NCKAP5: variants seen among roughly 807,000 people sequenced by gnomAD.
The protein encoded by NCKAP5 is nck-associated protein 5.
A neutral mutation model predicts 167.0 loss-of-function variants in NCKAP5; 92 were observed. The ratio of observed to expected loss-of-function variants is 0.55; its 90% CI spans 0.47 to 0.66. The LOEUF (loss-of-function observed/expected upper bound fraction) is 0.66, where lower values mean the gene tolerates loss of function less well. Among genes scored for constraint, NCKAP5 ranks in the 30% least tolerant of loss-of-function variants. The probability of loss-of-function intolerance (pLI) is 0.00; values close to 1 mark genes in which losing one functional copy is unlikely to be tolerated. For missense variants in NCKAP5, 2,378 were observed against 2,315.0 expected (o/e 1.03, Z -0.56); for synonymous variants, 891 against 877.4 (o/e 1.02, Z -0.27).
intron 7 of NCKAP5, among the ~76,000 whole-genome samples, chr2:132,981,193 A>G (rs1232668832): frequency 6.6e-6 from 1 of 152,246 alleles, no homozygotes; most frequent in Non-Finnish European, 1.5e-5. Context: ...ATCATGAATG[A>G]GATTCTTGGC....
chr2:133,198,624 G>C (rs532245908), intron 5 of NCKAP5, among the ~76,000 whole-genome samples: 17 of 152,236 alleles, frequency 1.1e-4, no homozygotes, highest in African/African-American at 3.8e-4. Flanking sequence ...AAATATTGCT[G>C]AGAGATATTA....
intron 6 of NCKAP5, among the ~76,000 whole-genome samples, chr2:133,010,196 A>G (rs915883828): frequency 5.3e-5 from 8 of 152,340 alleles, no homozygotes; most frequent in African/African-American, 1.7e-4. Context: ...ATAACTAATG[A>G]TCTTATTCGC....
intron 3 of NCKAP5, among the ~76,000 whole-genome samples, chr2:133,353,162 C>CA (rs1407388150): frequency 2.0e-5 from 3 of 152,152 alleles, no homozygotes; most frequent in African/African-American, 7.2e-5. Flanking sequence ...AGCAAAAACT[C>CA]AGAGCATTAG....
intron 3 of NCKAP5, among the ~76,000 whole-genome samples, chr2:133,444,972 T>G (rs1691104610): frequency 6.6e-6 from 1 of 152,252 alleles, no homozygotes; most frequent in African/African-American, 2.4e-5. Context: ...AGATACCATG[T>G]GATAATAAAA....
intron 8 of NCKAP5, among the ~76,000 whole-genome samples, chr2:132,916,335 T>C (rs1262971354): frequency 6.6e-6 from 1 of 151,978 alleles, no homozygotes; most frequent in Non-Finnish European, 1.5e-5. Context: ...TCAGAGAACC[T>C]TACTTTGCAT....
At chr2:133,192,927 A>G in intron 5 of NCKAP5, among the ~76,000 whole-genome samples, 1 of 152,124 alleles carries the variant, frequency 6.6e-6, no homozygotes, top group East Asian at 1.9e-4. Context: ...TTATGTTCGC[A>G]CAAAAACCTG....
chr2:133,647,753 GAA>G, the NCKAP5 span, among the ~76,000 whole-genome samples: 16 of 144,856 alleles, frequency 1.1e-4, no homozygotes, highest in East Asian at 6.1e-4. Flanking sequence ...AGGAAGGAAA[GAA>G]AAGAAAAGAA....
intron 6 of NCKAP5, among the ~76,000 whole-genome samples, chr2:133,013,183 C>A (rs138048732): frequency 6.6e-6 from 1 of 152,142 alleles, no homozygotes; most frequent in Non-Finnish European, 1.5e-5. Flanking sequence ...GTGGGATTAG[C>A]GTGTGCTTTG....
At chr2:133,621,931 C>A in the NCKAP5 span, among the ~76,000 whole-genome samples, 3 of 152,066 alleles carry the variant, frequency 2.0e-5, no homozygotes, top group African/African-American at 4.8e-5. Flanking sequence ...AAAAGATAAT[C>A]CACCATGATA....
At chr2:133,321,115 C>A (rs1682020357) in intron 3 of NCKAP5, among the ~76,000 whole-genome samples, 1 of 152,142 alleles carries the variant, frequency 6.6e-6, no homozygotes, top group African/African-American at 2.4e-5. Context: ...TTGCCTTATC[C>A]CAGGTGGACT....
intron 8 of NCKAP5, among the ~76,000 whole-genome samples, chr2:132,896,786 G>A (rs2148894297): frequency 6.6e-6 from 1 of 152,298 alleles, no homozygotes; most frequent in South Asian, 2.1e-4. Context: ...AAAAGAATGT[G>A]TTATCCAGAG....
chr2:133,106,542 C>T (rs1198562525), intron 6 of NCKAP5, among the ~76,000 whole-genome samples: 4 of 152,288 alleles, frequency 2.6e-5, no homozygotes, highest in Middle Eastern at 6.8e-3. Flanking sequence ...GCTTCTCATT[C>T]ATGCAGATCC....
chr2:132,949,845 G>A (rs2076130169), intron 8 of NCKAP5, among the ~76,000 whole-genome samples: 1 of 152,188 alleles, frequency 6.6e-6, no homozygotes, highest in African/African-American at 2.4e-5. Context: ...TGTAATCCCA[G>A]CACTTTGGGA....
intron 6 of NCKAP5, among the ~76,000 whole-genome samples, chr2:133,103,713 G>A (rs1350308839): frequency 3.9e-5 from 6 of 152,100 alleles, no homozygotes; most frequent in Admixed American, 2.0e-4. Flanking sequence ...CCAGGAGTTC[G>A]AGGCTGCGGT....
At chr2:133,507,704 T>C (rs1683134751) in intron 3 of NCKAP5, among the ~76,000 whole-genome samples, 1 of 152,172 alleles carries the variant, frequency 6.6e-6, no homozygotes. Context: ...ATATGATGGC[T>C]CCTGGATTTC....
At chr2:132,726,497 A>G (rs1465363570) in intron 18 of NCKAP5, among the ~76,000 whole-genome samples, 2 of 152,196 alleles carry the variant, frequency 1.3e-5, no homozygotes, top group Non-Finnish European at 2.9e-5. Context: ...TGGATCCAGG[A>G]GCGCAACTCC....
At chr2:133,175,158 C>G (rs1029980893) in intron 5 of NCKAP5, among the ~76,000 whole-genome samples, 1 of 152,044 alleles carries the variant, frequency 6.6e-6, no homozygotes, top group Admixed American at 6.5e-5. Flanking sequence ...CTGTATATAA[C>G]TTTTGTGAAT....
At chr2:133,415,900 C>G (rs1206015769) in intron 3 of NCKAP5, among the ~76,000 whole-genome samples, 1 of 152,214 alleles carries the variant, frequency 6.6e-6, no homozygotes, top group South Asian at 2.1e-4. Context: ...GGTTTTGATT[C>G]CCAGAGATGA....
At chr2:132,798,530 C>T (rs1684781734) in intron 11 of NCKAP5, among the ~76,000 whole-genome samples, 2 of 152,148 alleles carry the variant, frequency 1.3e-5, no homozygotes, top group South Asian at 4.1e-4. Flanking sequence ...GAAGAGGCCT[C>T]AATGGATTAG....
Sources: allele counts gnomAD v4.1 joint callset (sites outside exome capture counted in the v4.1 genomes callset), GRCh38; gene constraint gnomAD v4.1.1; transcripts MANE v1.5; gene names NCBI Gene and HGNC (gene_info 2026-07-23, HGNC 2026-07-21).